Variants in MYO3B observed in about 807,000 individuals in gnomAD.
MYO3B encodes myosin-IIIb.
A neutral mutation model predicts 174.6 loss-of-function variants in MYO3B; 156 were observed. That is an observed-to-expected ratio of 0.89 (90% CI 0.78 to 1.02). MYO3B has a LOEUF of 1.02. MYO3B is among the 50% of genes least tolerant of loss of function. The pLI is 0.00. For missense variants in MYO3B, 1,632 were observed against 1,639.4 expected (o/e 1.00, Z 0.08); for synonymous variants, 563 against 569.1 (o/e 0.99, Z 0.15).
In MYO3B at chr2:170,649,217, T is replaced by A. The variant is rs1698736713; in HGVS notation, c.3734-2411T>A. 1.0e-4 allele frequency among the ~76,000 whole-genome samples: 4 copies of A among 39,470 alleles called. 1 individual carries two copies. Among genetic ancestry groups the A allele is most frequent in the African/African-American group, 4.4e-4 (3 of 6,752 alleles). The allele number at this position is 39,470 out of a possible 152,430, so 25.9% of individuals were successfully genotyped here. A position where few individuals can be genotyped will look rare whatever the true frequency, so the allele number is the denominator to read the frequency against. ...ATATTATATATAAAATAATATATAA[T>A]ATATTATATATAAAATAATATATAT... On this transcript the variant is annotated intron_variant, in intron 32 of 34. Transcript: ENST00000408978.
At chr2:170,258,539 C>T (rs1182545023) in intron 7 of MYO3B, among the ~76,000 whole-genome samples, 1 of 152,002 alleles carries the variant, frequency 6.6e-6, no homozygotes, top group Non-Finnish European at 1.5e-5. Flanking sequence ...CCTCAAAAAA[C>T]TAGGCATCAA....
intron 9 of MYO3B, among the ~76,000 whole-genome samples, chr2:170,379,196 T>TCG (rs1558941079): frequency 1.9e-5 from 1 of 53,774 alleles, no homozygotes; most frequent in Non-Finnish European, 3.1e-5. Flanking sequence ...GTGGTACAAT[T>TCG]TTTTTTTTTT....
intron 31 of MYO3B, 99 bp downstream of exon 31, chr2:170,543,065 C>A: frequency 1.1e-6 from 1 of 927,316 alleles, no homozygotes; most frequent in Non-Finnish European, 1.6e-6. Flanking sequence ...GTGGTTGGAC[C>A]ATCCAAACTT....
intron 22 of MYO3B, among the ~76,000 whole-genome samples, chr2:170,441,979 C>T (rs570055872): frequency 4.7e-4 from 72 of 152,292 alleles, no homozygotes; most frequent in African/African-American, 1.7e-3. Context: ...AGGTCTCAGC[C>T]TTATTTTCAC....
chr2:170,508,064 G>A (rs1268293564), intron 28 of MYO3B, among the ~76,000 whole-genome samples: 1 of 152,166 alleles, frequency 6.6e-6, no homozygotes, highest in East Asian at 1.9e-4. Flanking sequence ...GTCCACTTGT[G>A]CCCAATATCA....
At chr2:170,448,279 A>G (rs537139671) in intron 23 of MYO3B, among the ~76,000 whole-genome samples, 1 of 152,360 alleles carries the variant, frequency 6.6e-6, no homozygotes, top group Admixed American at 6.5e-5. Context: ...CTTGGAGGTT[A>G]GAAGGAAGAT....
intron 6 of MYO3B, among the ~76,000 whole-genome samples, chr2:170,224,865 C>T (rs993495186): frequency 6.6e-6 from 1 of 152,128 alleles, no homozygotes; most frequent in Non-Finnish European, 1.5e-5. Context: ...GGACGGTTGC[C>T]ATAACAACTA....
At chr2:170,183,126 A>G (rs747562871) in intron 1 of MYO3B, among the ~76,000 whole-genome samples, 18 of 152,002 alleles carry the variant, frequency 1.2e-4, no homozygotes, top group Non-Finnish European at 2.2e-4. Context: ...GCGTGGTGGC[A>G]TGCACCTGTA....
intron 25 of MYO3B, among the ~76,000 whole-genome samples, chr2:170,467,776 G>A (rs191448922): frequency 5.6e-5 from 8 of 142,174 alleles, no homozygotes; most frequent in Non-Finnish European, 7.5e-5. Context: ...GCTTTGTCAC[G>A]TCTCCCAAAC....
intron 24 of MYO3B, among the ~76,000 whole-genome samples, chr2:170,465,689 A>G (rs1419924812): frequency 6.6e-6 from 1 of 152,224 alleles, no homozygotes; most frequent in African/African-American, 2.4e-5. Flanking sequence ...AAATATACCC[A>G]TACAACCAGT....
chr2:170,634,272 A>G (rs953691023), intron 32 of MYO3B, among the ~76,000 whole-genome samples: 1 of 152,214 alleles, frequency 6.6e-6, no homozygotes, highest in Non-Finnish European at 1.5e-5. Context: ...AAACAGAGAT[A>G]TAGACCAATG....
At chr2:170,407,293 C>A (rs2094516079) in intron 21 of MYO3B, among the ~76,000 whole-genome samples, 1 of 151,606 alleles carries the variant, frequency 6.6e-6, no homozygotes, top group African/African-American at 2.4e-5. Flanking sequence ...AACCCCATCT[C>A]TGCTAAAAAT....
At chr2:170,380,454 A>G (rs999122686) in intron 9 of MYO3B, among the ~76,000 whole-genome samples, 48 of 152,160 alleles carry the variant, frequency 3.2e-4, no homozygotes, top group African/African-American at 1.1e-3. Flanking sequence ...AAGAAAACCG[A>G]TATACTGGCT....
chr2:170,414,563 G>A (rs186789996), intron 22 of MYO3B, among the ~76,000 whole-genome samples: 1 of 152,220 alleles, frequency 6.6e-6, no homozygotes, highest in African/African-American at 2.4e-5. Flanking sequence ...GGCTGTTCTA[G>A]CTCCTTTGTC....
chr2:170,493,123 G>A (rs1005471184), intron 25 of MYO3B, among the ~76,000 whole-genome samples: 2 of 152,154 alleles, frequency 1.3e-5, no homozygotes, highest in African/African-American at 2.4e-5. Flanking sequence ...CCAAACAATA[G>A]CATTTTGTTG....
chr2:170,511,924 G>A (rs558230686), intron 28 of MYO3B, among the ~76,000 whole-genome samples: 1 of 152,262 alleles, frequency 6.6e-6, no homozygotes, highest in Non-Finnish European at 1.5e-5. Context: ...GAAGCTGGTG[G>A]GAGTCAGAAA....
chr2:170,530,592 G>A lies in MYO3B; in HGVS notation c.3575+11052G>A, dbSNP rs549461727. Among the ~76,000 whole-genome samples, 19 of 152,304 alleles carry A rather than the reference G, an allele frequency of 1.2e-4. 1 individual carries two copies. In the South Asian group the frequency reaches 3.5e-3, roughly 28 times the overall value. On this transcript the variant is annotated intron_variant, in intron 30 of 34. Coordinates refer to ENST00000408978, the MANE Select transcript of MYO3B (RefSeq NM_138995.5). ...TCAGGCTAGCTGTTAACTACCCAGC[G>A]CCAGGTTGAGGCATCGTCTTTGCTT... is the stretch of plus-strand genomic sequence containing the variant.
intron 9 of MYO3B, among the ~76,000 whole-genome samples, chr2:170,371,700 AAAAC>A (rs1173895383): frequency 6.6e-6 from 1 of 151,872 alleles, no homozygotes; most frequent in Non-Finnish European, 1.5e-5. Context: ...GAAAAAAAAA[AAAAC>A]AGAAAAATTG....
At chr2:170,651,763 T>G (rs1699024850) in intron 33 of MYO3B, 29 bp downstream of exon 33, 1 of 1,572,318 alleles carries the variant, frequency 6.4e-7, no homozygotes, top group Non-Finnish European at 8.8e-7. Flanking sequence ...TAAAGCTGTT[T>G]CACTGGCTTT....
Sources: gnomAD v4.1 joint callset for allele counts (sites outside exome capture counted in the v4.1 genomes callset) on GRCh38, gnomAD v4.1.1 for gene constraint, MANE v1.5 for transcripts, NCBI Gene and HGNC (gene_info 2026-07-23, HGNC 2026-07-21) for gene names.